The following FOCAD variants were observed in gnomAD, a reference collection of about 807,000 sequenced individuals.
FOCAD encodes KIAA1797.
A neutral mutation model predicts 225.6 loss-of-function variants in FOCAD; 198 were observed. The ratio of observed to expected loss-of-function variants is 0.88; its 90% CI spans 0.78 to 0.99. The LOEUF (loss-of-function observed/expected upper bound fraction) is 0.99. FOCAD is among the 50% of genes least tolerant of loss of function. The pLI is 0.00. For missense variants in FOCAD, 2,713 were observed against 2,123.6 expected (o/e 1.28, Z -5.46); for synonymous variants, 897 against 755.0 (o/e 1.19, Z -3.08).
At chr9:20,810,860 A>G (rs1385099108) in intron 11 of FOCAD, among the ~76,000 whole-genome samples, 1 of 152,012 alleles carries the variant, frequency 6.6e-6, no homozygotes, top group Non-Finnish European at 1.5e-5. Flanking sequence ...TCTAGTCTGC[A>G]GTATTTCCTG....
chr9:20,853,241 C>G (rs1373147799), intron 15 of FOCAD, among the ~76,000 whole-genome samples: 8 of 151,642 alleles, frequency 5.3e-5, no homozygotes, highest in Non-Finnish European at 8.9e-5. Flanking sequence ...GATACTGTTC[C>G]TTGTGGAAGT....
At chr9:20,682,189 G>C (rs1822418892), upstream of FOCAD, among the ~76,000 whole-genome samples, 1 of 152,206 alleles carries the variant, frequency 6.6e-6, no homozygotes, top group Admixed American at 6.5e-5. Flanking sequence ...CCGGCTTGCA[G>C]AACTGTGAAC....
At chr9:20,737,761 C>T (rs1173659072) in intron 4 of FOCAD, among the ~76,000 whole-genome samples, 1 of 152,156 alleles carries the variant, frequency 6.6e-6, no homozygotes, top group African/African-American at 2.4e-5. Flanking sequence ...AGGCACAGGC[C>T]TGGGTCAGAG....
intron 2 of FOCAD, among the ~76,000 whole-genome samples, chr9:20,716,784 G>C (rs967720712): frequency 6.6e-6 from 1 of 152,104 alleles, no homozygotes; most frequent in African/African-American, 2.4e-5. Flanking sequence ...CAGCAGTTGA[G>C]ATACAGTTGG....
intron 2 of FOCAD, among the ~76,000 whole-genome samples, chr9:20,672,478 T>A (rs1822094356): frequency 6.6e-6 from 1 of 152,196 alleles, no homozygotes; most frequent in Admixed American, 6.5e-5. Flanking sequence ...TGAGATGGAG[T>A]CTCACTCTGT....
chr9:20,842,820 T>G (rs1244855383), intron 15 of FOCAD, among the ~76,000 whole-genome samples: 1 of 151,966 alleles, frequency 6.6e-6, no homozygotes, highest in Non-Finnish European at 1.5e-5. Flanking sequence ...TCTTCTTCTT[T>G]GTGAAAGTGA....
At chr9:20,656,434 G>C (rs1563857671), upstream of FOCAD, among the ~76,000 whole-genome samples, 1 of 152,120 alleles carries the variant, frequency 6.6e-6, no homozygotes, top group Non-Finnish European at 1.5e-5. Context: ...AGGTCACTCA[G>C]GACTTGCTTT....
chr9:20,908,189 A>G (rs1338626977), intron 22 of FOCAD, among the ~76,000 whole-genome samples: 1 of 152,136 alleles, frequency 6.6e-6, no homozygotes, highest in East Asian at 1.9e-4. Flanking sequence ...TAAGGATAAT[A>G]GGAGAAATCC....
chr9:20,927,859 T>C (rs933936349), intron 26 of FOCAD: 11 of 152,096 alleles, frequency 7.2e-5, no homozygotes, highest in African/African-American at 2.7e-4. Context: ...CTGTGTATTT[T>C]GTGTGCCTCT....
At chr9:20,797,883 G>A (rs955447674) in intron 11 of FOCAD, among the ~76,000 whole-genome samples, 2 of 152,092 alleles carry the variant, frequency 1.3e-5, no homozygotes, top group African/African-American at 4.8e-5. Flanking sequence ...CCAACACTAT[G>A]TCGAATGGGA....
chr9:20,763,118 A>G (rs1310619571), intron 6 of FOCAD, among the ~76,000 whole-genome samples: 2 of 152,184 alleles, frequency 1.3e-5, no homozygotes, highest in East Asian at 3.8e-4. Flanking sequence ...TGTGAAAAAC[A>G]TTAGAAAATA....
At chr9:20,795,783 C>T (rs1409000732) in intron 11 of FOCAD, among the ~76,000 whole-genome samples, 7 of 26,348 alleles carry the variant, frequency 2.7e-4, no homozygotes, top group Admixed American at 1.0e-3. Context: ...GACTCTGTCT[C>T]GAAAAAAAAA....
intron 3 of FOCAD, 141 bp from the exon 4 acceptor site, chr9:20,720,239 A>C (rs1342248785): frequency 1.2e-6 from 1 of 804,898 alleles, no homozygotes; most frequent in Non-Finnish European, 2.0e-6. Context: ...TTATTCTAGG[A>C]ACAGAGTGAC....
Position 20,820,373 on chromosome 9 carries a change from C to A in FOCAD, c.1610C>A (p.Pro537Gln). The change falls in exon 13 of 44, where the codon CCA becomes CAA. Residue 537 changes from proline (P) to glutamine (Q), a missense_variant. Coordinates refer to ENST00000338382, the MANE Select transcript of FOCAD (RefSeq NM_001375567.1). The part of the protein sequence containing the change: ...LRIIQLLGTT[P>Q]RLRAVTLRLL... ...ATAATACAACTACTTGGAACCACACCACGACTAAGAGCTGTCACTTTGCGC... is the reference window on the plus strand; with the variant it reads ...ATAATACAACTACTTGGAACCACACAACGACTAAGAGCTGTCACTTTGCGC... 6.2e-7 allele frequency: 1 copy of A among 1,612,824 alleles called. No homozygotes were observed. Among genetic ancestry groups the A allele is most frequent in the East Asian group, 2.2e-5 (1 of 44,820 alleles).
chr9:20,947,731 T>C (rs1361594631), intron 30 of FOCAD, among the ~76,000 whole-genome samples: 2 of 152,214 alleles, frequency 1.3e-5, no homozygotes, highest in Admixed American at 1.3e-4. Flanking sequence ...CATGTGGATT[T>C]TTTAAAGGTT....
intron 1 of FOCAD, among the ~76,000 whole-genome samples, chr9:20,714,302 A>T (rs1344951714): frequency 6.6e-6 from 1 of 152,338 alleles, no homozygotes; most frequent in South Asian, 2.1e-4. Context: ...TTTTCAGATT[A>T]GGGTTGCTCA....
chr9:20,765,735 GA>G (rs200827189), intron 7 of FOCAD, among the ~76,000 whole-genome samples: 26 of 152,192 alleles, frequency 1.7e-4, no homozygotes, highest in East Asian at 1.2e-3. Flanking sequence ...AACTGCATAT[GA>G]AAAAAAATCC....
chr9:20,850,083 CAAT>C (rs1262984956), intron 15 of FOCAD, among the ~76,000 whole-genome samples: 1 of 151,260 alleles, frequency 6.6e-6, no homozygotes, highest in Non-Finnish European at 1.5e-5. Context: ...TGTATATTAG[CAAT>C]AATCATAACA....
At chr9:20,876,259 G>A (rs1049177952) in intron 19 of FOCAD, among the ~76,000 whole-genome samples, 3 of 152,164 alleles carry the variant, frequency 2.0e-5, no homozygotes, top group African/African-American at 4.8e-5. Flanking sequence ...CAGAGTCTAA[G>A]GCCTCCCTGA....
Sources: allele counts gnomAD v4.1 joint callset (sites outside exome capture counted in the v4.1 genomes callset), GRCh38; gene constraint gnomAD v4.1.1; transcripts MANE v1.5; gene names NCBI Gene and HGNC (gene_info 2026-07-23, HGNC 2026-07-21).